IGF1R: variants seen among roughly 807,000 people sequenced by gnomAD.
IGF1R encodes the protein insulin like growth factor 1 receptor, also known as insulin-like growth factor 1 receptor.
A neutral mutation model predicts 144.6 loss-of-function variants in IGF1R; 44 were observed. The ratio of observed to expected loss-of-function variants is 0.30; its 90% CI spans 0.24 to 0.39. The LOEUF is 0.39. Ranked by LOEUF, IGF1R falls within the 10% of genes least tolerant of loss-of-function variation. The pLI is 1.00. For missense variants in IGF1R, 1,355 were observed against 1,833.7 expected, an observed-to-expected ratio of 0.74 and a Z score of 4.77; for synonymous variants, 795 against 722.8, an observed-to-expected ratio of 1.10 and a Z score of -1.60.
chr15:98,883,341 C>T (rs1424245168), intron 2 of IGF1R, among the ~76,000 whole-genome samples: 1 of 152,206 alleles, frequency 6.6e-6, no homozygotes, highest in African/African-American at 2.4e-5. Flanking sequence ...TGACCAGAAG[C>T]TTGACAGAAT....
chr15:98,833,859 G>C (rs2057046318), intron 2 of IGF1R, among the ~76,000 whole-genome samples: 1 of 152,136 alleles, frequency 6.6e-6, no homozygotes, highest in African/African-American at 2.4e-5. Flanking sequence ...ATGCTATCTA[G>C]AGGCAGCCAA....
chr15:98,672,303 G>C (rs904413527), intron 1 of IGF1R, among the ~76,000 whole-genome samples: 1 of 152,132 alleles, frequency 6.6e-6, no homozygotes, highest in Non-Finnish European at 1.5e-5. Context: ...CATGGCTCAC[G>C]CCTGTAATCC....
At chr15:98,708,169 C>A in intron 2 of IGF1R, 62 bp downstream of exon 2, 1 of 1,407,732 alleles carries the variant, frequency 7.1e-7, no homozygotes, top group Non-Finnish European at 1.0e-6. Flanking sequence ...TCCTCCTTGA[C>A]CTCCCTTCTC....
chr15:98,862,866 T>C (rs2012231605), intron 2 of IGF1R, among the ~76,000 whole-genome samples: 1 of 152,244 alleles, frequency 6.6e-6, no homozygotes, highest in Non-Finnish European at 1.5e-5. Context: ...CCAGGAGTTC[T>C]GGAACACCCT....
chr15:98,832,260 C>T (rs1020404823), intron 2 of IGF1R, among the ~76,000 whole-genome samples: 3 of 152,104 alleles, frequency 2.0e-5, no homozygotes, highest in Admixed American at 6.5e-5. Context: ...AAAACACTAG[C>T]GGTTAAACAG....
In IGF1R at chr15:98,828,774, G is replaced by GTTTT. The variant is rs200266374; in HGVS notation, c.641-62535_641-62532dup. Reference sequence around the variant, plus strand: ...TATCCTAATATATTTGCTGAGCATGGTTTTTTTTTTTTTTTTTTTCCTATT... The same window carrying GTTTT: ...TATCCTAATATATTTGCTGAGCATGGTTTTTTTTTTTTTTTTTTTTTTTCCTATT... On this transcript the variant is annotated intron_variant, in intron 2 of 20. Transcript: ENST00000650285. Among the ~76,000 whole-genome samples the GTTTT allele has an allele frequency of 2.5e-3, 305 of 123,962 alleles. 1 individual carries two copies. Among genetic ancestry groups the GTTTT allele is most frequent in the African/African-American group, 8.8e-3 (290 of 33,076 alleles). The allele number at this position is 123,962 out of a possible 152,430, so 81.3% of individuals were successfully genotyped here. A position where few individuals can be genotyped will look rare whatever the true frequency, so the allele number is the denominator to read the frequency against.
chr15:98,733,754 C>T (rs1359133394), intron 2 of IGF1R, among the ~76,000 whole-genome samples: 2 of 152,168 alleles, frequency 1.3e-5, no homozygotes, highest in Admixed American at 1.3e-4. Flanking sequence ...TTGCAAGCTA[C>T]TTCTGTTTCT....
intron 1 of IGF1R, among the ~76,000 whole-genome samples, chr15:98,663,821 T>G (rs1340639113): frequency 6.6e-6 from 1 of 152,200 alleles, no homozygotes; most frequent in Non-Finnish European, 1.5e-5. Context: ...GTCCTTACCA[T>G]GCAAGTGAAG....
chr15:98,719,495 G>T (rs1278917887), intron 2 of IGF1R, among the ~76,000 whole-genome samples: 1 of 152,206 alleles, frequency 6.6e-6, no homozygotes, highest in African/African-American at 2.4e-5. Context: ...AAAAGTCACT[G>T]GGTGCCAAAG....
intron 2 of IGF1R, among the ~76,000 whole-genome samples, chr15:98,801,187 C>T (rs577675458): frequency 4.6e-5 from 7 of 152,134 alleles, no homozygotes; most frequent in Non-Finnish European, 8.8e-5. Context: ...TGATAGTGAG[C>T]CTGAGCACTT....
At position 98,961,531 on chromosome 15, in the gene IGF1R, T is replaced by C. The variant is rs572106186; in HGVS notation, c.*4089T>C. On this transcript the variant is annotated 3_prime_UTR_variant, in exon 21 of 21. Transcript: ENST00000650285. Reference sequence around the variant, plus strand: ...AACTTCATGCTGATTTCTCTGCCTCTTGATTTTTCTCTGTGTGTTCCAAAT... The same window carrying C: ...AACTTCATGCTGATTTCTCTGCCTCCTGATTTTTCTCTGTGTGTTCCAAAT... The C allele has an allele frequency of 4.3e-6, 1 of 233,664 alleles. No homozygotes were observed. Among genetic ancestry groups the C allele is most frequent in the East Asian group, 6.0e-5 (1 of 16,588 alleles). 14.5% of individuals were successfully genotyped at this position (233,664 alleles called of 1,614,324 possible). A position where few individuals can be genotyped will look rare whatever the true frequency, so the allele number is the denominator to read the frequency against.
chr15:98,934,398 G>A (rs576081098), intron 15 of IGF1R, among the ~76,000 whole-genome samples: 42 of 152,172 alleles, frequency 2.8e-4, no homozygotes, highest in South Asian at 1.0e-3. Context: ...TTACATTTGC[G>A]TTTTAATCTG....
intron 2 of IGF1R, among the ~76,000 whole-genome samples, chr15:98,775,486 C>G (rs2055690186): frequency 6.6e-6 from 1 of 152,184 alleles, no homozygotes; most frequent in Admixed American, 6.5e-5. Context: ...GCCCTAGACA[C>G]TGTTCTTCCC....
chr15:98,817,602 C>G (rs1021989056), intron 2 of IGF1R, among the ~76,000 whole-genome samples: 2 of 152,066 alleles, frequency 1.3e-5, no homozygotes, highest in Non-Finnish European at 2.9e-5. Context: ...AAAAAGCTGT[C>G]ACATGGGCAC....
intron 1 of IGF1R, among the ~76,000 whole-genome samples, chr15:98,685,962 G>A (rs1421942035): frequency 6.6e-6 from 1 of 152,202 alleles, no homozygotes; most frequent in Non-Finnish European, 1.5e-5. Flanking sequence ...ATATTGTTGT[G>A]CAACCATCAC....
chr15:98,780,665 A>G (rs1265309006), intron 2 of IGF1R, among the ~76,000 whole-genome samples: 2 of 151,714 alleles, frequency 1.3e-5, no homozygotes, highest in South Asian at 2.1e-4. Context: ...ATAGTTTCCT[A>G]TTTACAGATG....
rs1448425123 is a variant in IGF1R at position 98,957,809 on chromosome 15, A to G, written c.*367A>G. The stretch of plus-strand genomic sequence containing the variant: ...GCTTCATAACGGAAAAATAATTGCC[A>G]CAAGTCCAGCTGGGAAGCCCTTTTT... On this transcript the variant is annotated 3_prime_UTR_variant, in exon 21 of 21. Coordinates refer to ENST00000650285, the MANE Select transcript of IGF1R (RefSeq NM_000875.5). 1 of 340,492 alleles carries G rather than the reference A, an allele frequency of 2.9e-6. No homozygotes were observed. The highest frequency in any genetic ancestry group is 5.4e-6 in the Non-Finnish European group (1 of 185,100). 21.1% of individuals were successfully genotyped at this position (340,492 alleles called of 1,614,324 possible).
rs139127459 is a variant in IGF1R at position 98,666,826 on chromosome 15, G to A, written c.94+17151G>A. 7.9e-5 allele frequency among the ~76,000 whole-genome samples: 12 copies of A among 152,224 alleles called. No homozygotes were observed. The East Asian group carries it at 2.1e-3, about 27-fold the overall frequency. ...AAAAGTTCTAGAGGTGGATGGTTAC[G>A]GTGGTTGAGCAACATTGTGAATCAG... is the stretch of plus-strand genomic sequence containing the variant. On this transcript the variant is annotated intron_variant, in intron 1 of 20. Transcript: ENST00000650285.
At chr15:98,688,486 T>C (rs1456966684) in intron 1 of IGF1R, among the ~76,000 whole-genome samples, 2 of 151,768 alleles carry the variant, frequency 1.3e-5, no homozygotes, top group African/African-American at 4.8e-5. Context: ...TACCTTTGCG[T>C]AGCGTTGGCA....
Sources: allele counts gnomAD v4.1 joint callset (sites outside exome capture counted in the v4.1 genomes callset), GRCh38; gene constraint gnomAD v4.1.1; transcripts MANE v1.5; gene names NCBI Gene and HGNC (gene_info 2026-07-23, HGNC 2026-07-21).